The following TRIM36 variants were observed in gnomAD, a reference collection of about 807,000 sequenced individuals.
TRIM36 encodes tripartite motif containing 36.
Under a neutral mutation model 72.4 loss-of-function variants are expected in TRIM36, and 42 were observed. That is an observed-to-expected ratio of 0.58 (90% confidence interval 0.45 to 0.75). The LOEUF is 0.75. TRIM36 is among the 30% of genes least tolerant of loss of function. TRIM36 has a pLI of 0.00. For missense variants in TRIM36, 913 were observed against 857.1 expected, an observed-to-expected ratio of 1.07 and a Z score of -0.81; for synonymous variants, 315 against 282.8, an observed-to-expected ratio of 1.11 and a Z score of -1.14.
intron 7 of TRIM36, among the ~76,000 whole-genome samples, chr5:115,135,493 T>C (rs1395227058): frequency 7.0e-6 from 1 of 142,674 alleles, no homozygotes; most frequent in African/African-American, 2.6e-5. Context: ...AAAAAAAAAA[T>C]GCATGTAGCA....
intron 5 of TRIM36, among the ~76,000 whole-genome samples, chr5:115,138,782 TCA>T (rs1457092435): frequency 1.3e-5 from 2 of 152,074 alleles, no homozygotes; most frequent in Non-Finnish European, 2.9e-5. Flanking sequence ...TATAACAGAC[TCA>T]CAGACAGCAG....
intron 9 of TRIM36, 83 bp downstream of exon 9, chr5:115,130,509 T>G (rs1230330596): frequency 1.4e-5 from 20 of 1,444,220 alleles, no homozygotes; most frequent in Non-Finnish European, 1.8e-5. Flanking sequence ...AAGAAATGTA[T>G]ACTCCAAATG....
At chr5:115,159,198 A>AT (rs1348574903) in intron 2 of TRIM36, among the ~76,000 whole-genome samples, 1 of 152,220 alleles carries the variant, frequency 6.6e-6, no homozygotes, top group African/African-American at 2.4e-5. Context: ...AAGACTCTAT[A>AT]TGTATAAAAC....
At chr5:115,158,756 G>A (rs1754322212) in intron 2 of TRIM36, among the ~76,000 whole-genome samples, 1 of 152,116 alleles carries the variant, frequency 6.6e-6, no homozygotes, top group African/African-American at 2.4e-5. Flanking sequence ...ACCAAAAATG[G>A]GTAGTAGCTT....
At chr5:115,143,712 G>C (rs1030380024) in intron 4 of TRIM36, among the ~76,000 whole-genome samples, 1 of 152,006 alleles carries the variant, frequency 6.6e-6, no homozygotes, top group African/African-American at 2.4e-5. Context: ...AAACAAAATG[G>C]GTAGTAGGTA....
At chr5:115,172,132 TTCTC>T (rs1352701259), upstream of TRIM36, among the ~76,000 whole-genome samples, 13 of 152,356 alleles carry the variant, frequency 8.5e-5, no homozygotes, top group African/African-American at 1.7e-4. Context: ...CATTGCCTAT[TTCTC>T]TATCAAAAAT....
intron 2 of TRIM36, among the ~76,000 whole-genome samples, chr5:115,152,043 A>G (rs1055366676): frequency 1.3e-5 from 2 of 152,210 alleles, no homozygotes; most frequent in Admixed American, 1.3e-4. Context: ...TTACCTGAAA[A>G]AGAATCCAGA....
At chr5:115,170,396 C>A (rs1755049895), upstream of TRIM36, among the ~76,000 whole-genome samples, 1 of 152,220 alleles carries the variant, frequency 6.6e-6, no homozygotes, top group Admixed American at 6.5e-5. Flanking sequence ...AGGCTCGGCA[C>A]AGGACGGTGC....
chr5:115,157,002 G>A (rs778252767), intron 2 of TRIM36, among the ~76,000 whole-genome samples: 3 of 152,064 alleles, frequency 2.0e-5, no homozygotes, highest in Non-Finnish European at 2.9e-5. Context: ...AGTGGGCTAA[G>A]GACATGAATA....
intron 1 of TRIM36, among the ~76,000 whole-genome samples, chr5:115,165,965 C>G (rs887528222): frequency 1.3e-5 from 2 of 152,244 alleles, no homozygotes; most frequent in African/African-American, 2.4e-5. Context: ...ACACCAGCCC[C>G]CTGCCACCTC....
At chr5:115,156,937 C>T (rs1754204138) in intron 2 of TRIM36, among the ~76,000 whole-genome samples, 1 of 152,220 alleles carries the variant, frequency 6.6e-6, no homozygotes, top group East Asian at 1.9e-4. Context: ...GGACTAACAT[C>T]CAGAATCTAC....
At position 115,144,718 on chromosome 5, in the gene TRIM36, T is replaced by C; in HGVS notation, c.615A>G (p.Thr205=). Residue 205 remains threonine (T), a synonymous_variant, in exon 4 of 10, where the codon ACA becomes ACG. Coordinates refer to ENST00000513154, the MANE Select transcript of TRIM36 (RefSeq NM_001300759.2). ...ATTCACAGTACATGTTTATTCTCTC[T>C]GTTTCATGTTCTGGGCACATTAAAA... The part of the protein sequence containing the change: ...PKILMCPEHE[T]ERINMYCELC... 1.2e-6 allele frequency: 2 copies of C among 1,613,988 alleles called. No homozygotes were observed. The highest frequency in any genetic ancestry group is 4.5e-5 in the East Asian group (2 of 44,848).
At chr5:115,169,457 G>A (rs1400381426) in intron 1 of TRIM36, 151 bp downstream of exon 1, 36 of 868,002 alleles carry the variant, frequency 4.1e-5, no homozygotes, top group East Asian at 6.1e-5. Flanking sequence ...AGCCCCGGGC[G>A]GGAGAAGGCG....
At chr5:115,128,357 G>A (rs1261511982) in intron 9 of TRIM36, among the ~76,000 whole-genome samples, 9 of 84,856 alleles carry the variant, frequency 1.1e-4, no homozygotes, top group East Asian at 3.3e-4. Flanking sequence ...CAACAAAAGC[G>A]AAACTCCATC....
intron 3 of TRIM36, 120 bp downstream of exon 3, chr5:115,146,949 A>T: frequency 9.1e-7 from 1 of 1,097,454 alleles, no homozygotes; most frequent in Non-Finnish European, 1.3e-6. Flanking sequence ...ACCTGCTTTT[A>T]AAGTTATTTC....
Position 115,126,446 on chromosome 5 carries a change from ACGC to A in TRIM36, c.*54_*56del, listed in dbSNP as rs1561414942. On this transcript the variant is annotated 3_prime_UTR_variant, in exon 10 of 10. Transcript: ENST00000513154. ...GATATGTAATTAGTTACGAAGGTTA[ACGC>A]TAAGGCATTGCTTTGTTTACAGTTT... The A allele has an allele frequency of 7.2e-7, 1 of 1,394,386 alleles. No individual in the cohort carries two copies. Among genetic ancestry groups the A allele is most frequent in the African/African-American group, 1.4e-5 (1 of 70,414 alleles). 86.4% of individuals were successfully genotyped at this position (1,394,386 alleles called of 1,614,324 possible). A position where few individuals can be genotyped will look rare whatever the true frequency, so the allele number is the denominator to read the frequency against.
At chr5:115,149,639 G>C (rs1250679035) in intron 2 of TRIM36, 3 of 51,144 alleles carry the variant, frequency 5.9e-5, no homozygotes, top group Non-Finnish European at 9.4e-5. Context: ...TGTTTTTACA[G>C]TGTAAAAAAA....
At chr5:115,143,538 A>G (rs1264559092) in intron 4 of TRIM36, among the ~76,000 whole-genome samples, 2 of 152,180 alleles carry the variant, frequency 1.3e-5, no homozygotes, top group Admixed American at 6.5e-5. Flanking sequence ...GAAACAGATG[A>G]GAGAATTAGT....
intron 2 of TRIM36, among the ~76,000 whole-genome samples, chr5:115,162,449 C>T (rs1174658537): frequency 6.6e-6 from 1 of 152,152 alleles, no homozygotes; most frequent in Admixed American, 6.5e-5. Flanking sequence ...TACAGAGTAC[C>T]ATGTCAGGTA....
Sources: gnomAD v4.1 joint callset for allele counts (sites outside exome capture counted in the v4.1 genomes callset) on GRCh38, gnomAD v4.1.1 for gene constraint, MANE v1.5 for transcripts, NCBI Gene and HGNC (gene_info 2026-07-23, HGNC 2026-07-21) for gene names.